The following MLLT10 variants were observed in gnomAD, a reference collection of about 807,000 sequenced individuals.
The protein encoded by MLLT10 is MLLT10 histone lysine methyltransferase DOT1L cofactor, also known as protein AF-10.
In MLLT10, 30 loss-of-function variants were observed where a neutral mutation model predicts 129.1. The observed-to-expected ratio is 0.23, with a 90% CI of 0.17 to 0.32. The LOEUF (loss-of-function observed/expected upper bound fraction) is 0.32, where lower values mean the gene tolerates loss of function less well. MLLT10 is among the 10% of genes least tolerant of loss of function. MLLT10 has a pLI of 1.00. For missense variants in MLLT10, 1,119 were observed against 1,268.3 expected (o/e 0.88, Z 1.79); for synonymous variants, 490 against 446.4 (o/e 1.10, Z -1.23).
chr10:21,620,620 T>C (rs946510681), intron 8 of MLLT10, among the ~76,000 whole-genome samples: 1 of 152,200 alleles, frequency 6.6e-6, no homozygotes, highest in Non-Finnish European at 1.5e-5. Context: ...ACTTTCTTTC[T>C]GAATTCTTTT....
intron 5 of MLLT10, 53 bp downstream of exon 5, chr10:21,595,493 A>T (rs1326394631): frequency 1.8e-5 from 25 of 1,405,016 alleles, no homozygotes; most frequent in Non-Finnish European, 2.2e-5. Context: ...GGGAAGTAGA[A>T]AGGAAGTTTT....
chr10:21,551,288 C>CG (rs1158438651), intron 3 of MLLT10, among the ~76,000 whole-genome samples: 2 of 122,862 alleles, frequency 1.6e-5, no homozygotes, highest in Non-Finnish European at 3.2e-5. Context: ...TCGGATTGTA[C>CG]CTTTTTTTTT....
At chr10:21,571,538 T>A (rs6482185) in intron 3 of MLLT10, among the ~76,000 whole-genome samples, 4,235 of 152,368 alleles carry the variant, frequency 0.028, 199 homozygotes, top group African/African-American at 0.095. Context: ...ATGACTGTGT[T>A]TTGTTGCTTG....
At chr10:21,563,608 C>G (rs1489349973) in intron 3 of MLLT10, among the ~76,000 whole-genome samples, 1 of 151,944 alleles carries the variant, frequency 6.6e-6, no homozygotes, top group Non-Finnish European at 1.5e-5. Flanking sequence ...CAGGTTGTTG[C>G]TTAGTATTTG....
At chr10:21,611,677 T>G (rs1010415822) in intron 5 of MLLT10, among the ~76,000 whole-genome samples, 1 of 152,222 alleles carries the variant, frequency 6.6e-6, no homozygotes, top group Non-Finnish European at 1.5e-5. Context: ...ATATTGCGTA[T>G]TAGTTACTTG....
chr10:21,617,140 C>A lies in MLLT10; in HGVS notation c.632C>A (p.Ser211Ter). Residue 211 changes from serine to a stop codon, truncating the protein, a stop_gained, in exon 8 of 23, where the codon TCA (serine) becomes TAA (stop). Coordinates refer to ENST00000307729, the MANE Select transcript of MLLT10 (RefSeq NM_001195626.3). LOFTEE classifies it high-confidence loss of function. Reference sequence around the variant, plus strand: ...AAGAGCAAACGGGGATCTAATAGGTCATATGATCAAAGTTTAAGTGATTCT... The same window carrying A: ...AAGAGCAAACGGGGATCTAATAGGTAATATGATCAAAGTTTAAGTGATTCT... ...LKKSKRGSNR[S>*]YDQSLSDSSS... 1 of 1,532,960 alleles carries A rather than the reference C, an allele frequency of 6.5e-7. No homozygotes were observed. Among genetic ancestry groups the A allele is most frequent in the South Asian group, 1.4e-5 (1 of 72,958 alleles). 95.0% of individuals were successfully genotyped at this position (1,532,960 alleles called of 1,614,324 possible). A position where few individuals can be genotyped will look rare whatever the true frequency, so the allele number is the denominator to read the frequency against.
At position 21,695,791 on chromosome 10, in the gene MLLT10, G is replaced by C. The variant is rs368116048; in HGVS notation, c.1699+13534G>C. On this transcript the variant is annotated intron_variant, in intron 13 of 22. Transcript: ENST00000307729. ...CTGTCCCTTCTTATGTTAATTTAATGTTGGGATTTATCAAACCAAAGTCTA... is the reference window on the plus strand; with the variant it reads ...CTGTCCCTTCTTATGTTAATTTAATCTTGGGATTTATCAAACCAAAGTCTA... 2.0e-5 allele frequency among the ~76,000 whole-genome samples: 3 copies of C among 152,198 alleles called. No individual in the cohort carries two copies. The East Asian group carries it at 5.8e-4, about 29-fold the overall frequency.
intron 10 of MLLT10, among the ~76,000 whole-genome samples, chr10:21,672,719 G>A (rs1188549948): frequency 1.3e-5 from 2 of 152,194 alleles, no homozygotes; most frequent in African/African-American, 4.8e-5. Context: ...TTGGGAGAAT[G>A]TGAGATATAG....
At chr10:21,625,609 A>G (rs957891949) in intron 8 of MLLT10, 1 of 756,924 alleles carries the variant, frequency 1.3e-6, no homozygotes, top group Admixed American at 1.7e-5. Context: ...CAGGTTGATC[A>G]TAGAGAATGA....
intron 3 of MLLT10, among the ~76,000 whole-genome samples, chr10:21,574,414 A>T (rs1312084067): frequency 6.6e-6 from 1 of 152,190 alleles, no homozygotes; most frequent in African/African-American, 2.4e-5. Context: ...AAGTGTTACC[A>T]GAAAGGGGGT....
chr10:21,579,382 GA>G (rs1320845267), intron 3 of MLLT10, among the ~76,000 whole-genome samples: 1 of 151,954 alleles, frequency 6.6e-6, no homozygotes, highest in African/African-American at 2.4e-5. Context: ...TCAAATTGAA[GA>G]AATTTTCAGC....
At chr10:21,551,062 G>T (rs2036923056) in intron 3 of MLLT10, among the ~76,000 whole-genome samples, 1 of 151,584 alleles carries the variant, frequency 6.6e-6, no homozygotes, top group Admixed American at 6.6e-5. Flanking sequence ...GAGTAGCTGG[G>T]ATTACAGGCA....
intron 5 of MLLT10, among the ~76,000 whole-genome samples, chr10:21,599,269 G>A (rs1355397515): frequency 1.3e-5 from 2 of 151,612 alleles, no homozygotes; most frequent in Admixed American, 1.3e-4. Context: ...TTGAACCTGG[G>A]AAGCAGAGGT....
At chr10:21,697,183 T>A (rs866626591) in intron 13 of MLLT10, among the ~76,000 whole-genome samples, 2 of 140,644 alleles carry the variant, frequency 1.4e-5, no homozygotes, top group South Asian at 4.5e-4. Flanking sequence ...AAGACAGAAA[T>A]AGGCCGGGCA....
chr10:21,562,843 C>T (rs1467601769), intron 3 of MLLT10, among the ~76,000 whole-genome samples: 4 of 59,050 alleles, frequency 6.8e-5, no homozygotes, highest in African/African-American at 8.8e-5. Context: ...TTTTTTGAGA[C>T]AGTTTCACTC....
At chr10:21,732,802 C>A in intron 17 of MLLT10, 97 bp from the exon 18 acceptor site, 1 of 962,370 alleles carries the variant, frequency 1.0e-6, no homozygotes, top group Non-Finnish European at 1.5e-6. Context: ...TTCTACTGTT[C>A]TATTTTAACT....
At chr10:21,651,037 GTGTTGTTT>G in intron 8 of MLLT10, among the ~76,000 whole-genome samples, 1 of 118,432 alleles carries the variant, frequency 8.4e-6, no homozygotes. Flanking sequence ...TTTGGTGGTT[GTGTTGTTT>G]TGTTTTGTTT....
chr10:21,675,273 G>A (rs889589020), intron 11 of MLLT10, among the ~76,000 whole-genome samples: 4 of 152,132 alleles, frequency 2.6e-5, no homozygotes, highest in African/African-American at 4.8e-5. Flanking sequence ...CAATCTTAGC[G>A]TTATTGACAA....
rs139172072 is a variant in MLLT10, at chr10:21,732,786, C to T, written c.2219-113C>T. ...AACTTTATCATTTAGAAACACTTTA[C>T]AGAATTTCTACTGTTCTATTTTAAC... On this transcript the variant is annotated intron_variant, in intron 17 of 22. Transcript: ENST00000307729. 1.8e-5 allele frequency: 15 copies of T among 812,068 alleles called. No individual in the cohort carries two copies. In the East Asian group the frequency reaches 4.5e-4, roughly 25 times the overall value. The allele number at this position is 812,068 out of a possible 1,614,324, so 50.3% of individuals were successfully genotyped here.
Sources: allele counts gnomAD v4.1 joint callset (sites outside exome capture counted in the v4.1 genomes callset), GRCh38; gene constraint gnomAD v4.1.1; transcripts MANE v1.5; gene names NCBI Gene and HGNC (gene_info 2026-07-23, HGNC 2026-07-21).